Variants in SH3KBP1 observed in about 807,000 individuals in gnomAD.
The protein encoded by SH3KBP1 is SH3 domain-containing kinase-binding protein 1.
In SH3KBP1, 8 loss-of-function variants were observed where a neutral mutation model predicts 50.1. The ratio of observed to expected loss-of-function variants is 0.16; its 90% CI spans 0.09 to 0.29. The LOEUF is 0.29. Among genes scored for constraint, SH3KBP1 ranks in the 10% least tolerant of loss-of-function variants. The pLI is 1.00. For synonymous variants in SH3KBP1, 227 were observed against 218.6 expected (o/e 1.04, Z -0.34); for missense variants, 377 against 535.2 (o/e 0.70, Z 2.92).
chrX:19,588,400 G>C, intron 12 of SH3KBP1: 2 of 1,113,799 alleles, frequency 1.8e-6, no homozygotes, highest in Non-Finnish European at 2.4e-6. Flanking sequence ...TAAATGCTGG[G>C]TACCCAGTCC....
At chrX:19,795,481 C>T (rs1477272490) in intron 2 of SH3KBP1, among the ~76,000 whole-genome samples, 8 of 111,596 alleles carry the variant, frequency 7.2e-5, no homozygotes, top group African/African-American at 1.3e-4. Context: ...TACTCAACTA[C>T]GGGGCCTTGC....
chrX:19,626,342 A>AT (rs2068018260), intron 8 of SH3KBP1, among the ~76,000 whole-genome samples: 1 of 111,162 alleles, frequency 9.0e-6, no homozygotes, highest in Non-Finnish European at 1.9e-5. Flanking sequence ...GTATTCCAGC[A>AT]TTTTGCACAG....
chrX:19,740,737 A>AT, intron 3 of SH3KBP1: 1 of 319,124 alleles, frequency 3.1e-6, no homozygotes, highest in Non-Finnish European at 6.4e-6. Context: ...AGAGGTTGAC[A>AT]TTTTCTTTAC....
intron 2 of SH3KBP1, among the ~76,000 whole-genome samples, chrX:19,773,032 A>T (rs1603228463): frequency 8.9e-6 from 1 of 111,961 alleles, no homozygotes; most frequent in East Asian, 2.8e-4. Flanking sequence ...CCATAGACAC[A>T]GAAAAACAGA....
chrX:19,831,312 G>A (rs757563151), intron 2 of SH3KBP1, among the ~76,000 whole-genome samples: 13 of 107,969 alleles, frequency 1.2e-4, no homozygotes, highest in Non-Finnish European at 1.9e-4. Flanking sequence ...AGCTAGTCAG[G>A]AGGCTGAGGT....
intron 6 of SH3KBP1, among the ~76,000 whole-genome samples, chrX:19,658,631 C>T (rs2062358908): frequency 9.0e-6 from 1 of 110,746 alleles, no homozygotes; most frequent in African/African-American, 3.3e-5. Context: ...GTGGCGCGAT[C>T]TCAGCTCACT....
chrX:19,711,101 C>T (rs2063765681), intron 3 of SH3KBP1, among the ~76,000 whole-genome samples: 1 of 111,161 alleles, frequency 9.0e-6, no homozygotes, highest in South Asian at 3.8e-4. Context: ...GGATTTCAAA[C>T]CAGGCAACGC....
chrX:19,757,145 CTTT>C (rs34733630), intron 2 of SH3KBP1, among the ~76,000 whole-genome samples: 4 of 74,710 alleles, frequency 5.4e-5, no homozygotes, highest in Admixed American at 3.0e-4. Flanking sequence ...TTATTGACTG[CTTT>C]TTTTTTTTTT....
intron 2 of SH3KBP1, among the ~76,000 whole-genome samples, chrX:19,747,011 C>T (rs763662102): frequency 1.7e-4 from 19 of 112,059 alleles, no homozygotes; most frequent in Non-Finnish European, 1.9e-4. Flanking sequence ...GAAAGCTCAC[C>T]ACTCACTTTT....
intron 1 of SH3KBP1, among the ~76,000 whole-genome samples, chrX:19,877,253 C>G (rs991373128): frequency 6.3e-5 from 7 of 111,856 alleles, no homozygotes; most frequent in Admixed American, 9.5e-5. Context: ...TTTTGATGAT[C>G]AAAACAGGAG....
At chrX:19,658,040 A>G (rs2062337616) in intron 6 of SH3KBP1, among the ~76,000 whole-genome samples, 1 of 111,276 alleles carries the variant, frequency 9.0e-6, no homozygotes, top group Non-Finnish European at 1.9e-5. Context: ...TGAACTACAC[A>G]CTTAAAAACG....
chrX:19,870,746 A>G, intron 1 of SH3KBP1, among the ~76,000 whole-genome samples: 1 of 111,464 alleles, frequency 9.0e-6, no homozygotes, highest in South Asian at 3.8e-4. Flanking sequence ...CCACATGAGA[A>G]GGCCTCAGAG....
At chrX:19,755,835 A>G (rs912727711) in intron 2 of SH3KBP1, among the ~76,000 whole-genome samples, 18 of 111,590 alleles carry the variant, frequency 1.6e-4, no homozygotes, top group African/African-American at 5.9e-4. Flanking sequence ...ATAAAAAGGC[A>G]TTGTAAAAAT....
intron 2 of SH3KBP1, among the ~76,000 whole-genome samples, chrX:19,827,881 T>C (rs1003329324): frequency 1.2e-5 from 1 of 81,183 alleles, no homozygotes; most frequent in Non-Finnish European, 2.1e-5. Context: ...TCATGGTCTG[T>C]TAAACAAAAA....
chrX:19,812,617 C>G (rs1191803534), intron 2 of SH3KBP1, among the ~76,000 whole-genome samples: 1 of 103,335 alleles, frequency 9.7e-6, no homozygotes, highest in African/African-American at 3.6e-5. Context: ...TTGCTTGAGC[C>G]CAGGAGTTTG....
chrX:19,847,339 G>T (rs2068390616), intron 1 of SH3KBP1, among the ~76,000 whole-genome samples: 2 of 111,398 alleles, frequency 1.8e-5, no homozygotes, highest in African/African-American at 6.5e-5. Context: ...AAGTCATATT[G>T]CCCAATGCAT....
At chrX:19,732,094 CTTTT>C (rs1442937276) in intron 3 of SH3KBP1, among the ~76,000 whole-genome samples, 1 of 111,358 alleles carries the variant, frequency 9.0e-6, no homozygotes, top group Non-Finnish European at 1.9e-5. Context: ...CACATGTCCA[CTTTT>C]TTAAGTTTTC....
chrX:19,804,128 C>T (rs897676452), intron 2 of SH3KBP1, among the ~76,000 whole-genome samples: 8 of 111,143 alleles, frequency 7.2e-5, no homozygotes, highest in African/African-American at 9.8e-5. Flanking sequence ...GCTAAGATCG[C>T]GCCACCGCAC....
At chrX:19,656,866 T>C (rs1029911260) in intron 6 of SH3KBP1, among the ~76,000 whole-genome samples, 1 of 112,067 alleles carries the variant, frequency 8.9e-6, no homozygotes, top group Non-Finnish European at 1.9e-5. Context: ...TCCTGACACA[T>C]ATGAAAAAGC....
Sources: gnomAD v4.1 joint callset for allele counts (sites outside exome capture counted in the v4.1 genomes callset) on GRCh38, gnomAD v4.1.1 for gene constraint, MANE v1.5 for transcripts, NCBI Gene and HGNC (gene_info 2026-07-23, HGNC 2026-07-21) for gene names.